Variants in CPQ observed in about 807,000 individuals in gnomAD.
The protein encoded by CPQ is Ser-Met dipeptidase.
Under a neutral mutation model 45.7 loss-of-function variants are expected in CPQ, and 37 were observed. The ratio of observed to expected loss-of-function variants is 0.81; its 90% CI spans 0.62 to 1.07. The LOEUF is 1.07. CPQ is among the 50% of genes least tolerant of loss of function. CPQ has a pLI of 0.00. For missense variants in CPQ, 537 were observed against 572.9 expected, an observed-to-expected ratio of 0.94 and a Z score of 0.64; for synonymous variants, 186 against 205.8, an observed-to-expected ratio of 0.90 and a Z score of 0.82.
At chr8:96,835,589 G>C (rs556754696) in intron 3 of CPQ, among the ~76,000 whole-genome samples, 8 of 152,330 alleles carry the variant, frequency 5.3e-5, no homozygotes, top group African/African-American at 1.7e-4. Flanking sequence ...TGGGTGACAT[G>C]ATGGGGGCCA....
intron 2 of CPQ, among the ~76,000 whole-genome samples, chr8:96,820,632 A>G (rs1278701821): frequency 3.3e-5 from 5 of 152,028 alleles, no homozygotes; most frequent in Non-Finnish European, 7.4e-5. Context: ...GTTGCTGCAA[A>G]TGACAGGATT....
chr8:96,801,002 G>T (rs1252200387), intron 2 of CPQ, among the ~76,000 whole-genome samples: 1 of 150,316 alleles, frequency 6.7e-6, no homozygotes, highest in Non-Finnish European at 1.5e-5. Context: ...TTGAGACAGG[G>T]TCTCACTCTG....
At chr8:96,909,962 G>A (rs572356815) in intron 4 of CPQ, among the ~76,000 whole-genome samples, 32 of 152,214 alleles carry the variant, frequency 2.1e-4, no homozygotes, top group African/African-American at 7.2e-4. Flanking sequence ...TGTAGTGCTC[G>A]ACCAGGTTGA....
Position 97,068,552 on chromosome 8 carries a change from G to C in CPQ, c.1255+2342G>C, listed in dbSNP as rs148001229. Among the ~76,000 whole-genome samples the C allele has an allele frequency of 2.3e-3, 352 of 152,312 alleles. 3 individuals carry two copies. The highest frequency in any genetic ancestry group is 8.2e-3 in the African/African-American group (340 of 41,584). ...GGAGGCTGAGGCAGGAGAATTGCTT[G>C]AACCCAGGAGGCGGCAGTTGCAGTG... On this transcript the variant is annotated intron_variant, in intron 7 of 7. Transcript: ENST00000220763.
At chr8:96,704,822 G>T (rs1328608184) in intron 1 of CPQ, among the ~76,000 whole-genome samples, 2 of 152,128 alleles carry the variant, frequency 1.3e-5, no homozygotes, top group African/African-American at 4.8e-5. Flanking sequence ...TGAAGATTAG[G>T]TGTTCAGTCT....
chr8:96,818,000 A>G (rs976372638), intron 2 of CPQ, among the ~76,000 whole-genome samples: 6 of 152,058 alleles, frequency 3.9e-5, no homozygotes, highest in Admixed American at 1.3e-4. Context: ...CTTTTGCCCT[A>G]TCTTGGCTAT....
At chr8:96,651,491 A>G (rs1382543990) in intron 1 of CPQ, among the ~76,000 whole-genome samples, 2 of 152,250 alleles carry the variant, frequency 1.3e-5, no homozygotes, top group Non-Finnish European at 2.9e-5. Flanking sequence ...TCAAACATTT[A>G]AAAATGCATA....
At chr8:96,741,084 G>T (rs1007590031) in intron 1 of CPQ, among the ~76,000 whole-genome samples, 6 of 152,152 alleles carry the variant, frequency 3.9e-5, no homozygotes, top group Non-Finnish European at 5.9e-5. Flanking sequence ...GTAGAATTCG[G>T]CTGTGAATCC....
At chr8:96,675,382 A>G (rs1340625212) in intron 1 of CPQ, among the ~76,000 whole-genome samples, 1 of 152,072 alleles carries the variant, frequency 6.6e-6, no homozygotes, top group East Asian at 1.9e-4. Flanking sequence ...GTAGAGAGCT[A>G]CTTCTACTGC....
chr8:96,724,522 C>T (rs1390263186), intron 1 of CPQ, among the ~76,000 whole-genome samples: 2 of 151,730 alleles, frequency 1.3e-5, no homozygotes, highest in African/African-American at 2.4e-5. Context: ...CACACACACA[C>T]ACACCCCTAG....
At chr8:97,028,544 A>G (rs1794202749) in intron 5 of CPQ, among the ~76,000 whole-genome samples, 2 of 152,246 alleles carry the variant, frequency 1.3e-5, no homozygotes, top group South Asian at 4.1e-4. Context: ...CAGAAATGCC[A>G]TTATCAGTCT....
chr8:97,051,643 G>A (rs1280888016), intron 6 of CPQ, among the ~76,000 whole-genome samples: 1 of 152,194 alleles, frequency 6.6e-6, no homozygotes, highest in Non-Finnish European at 1.5e-5. Context: ...TCATCCAAGT[G>A]TATCAACCCC....
chr8:96,690,629 A>G (rs180853506), intron 1 of CPQ, among the ~76,000 whole-genome samples: 1 of 152,178 alleles, frequency 6.6e-6, no homozygotes, highest in Non-Finnish European at 1.5e-5. Flanking sequence ...CTGTAGCCAT[A>G]TGTAGTTTCT....
intron 4 of CPQ, among the ~76,000 whole-genome samples, chr8:96,911,514 G>A (rs561358032): frequency 1.3e-5 from 2 of 152,166 alleles, no homozygotes; most frequent in Non-Finnish European, 2.9e-5. Context: ...TGTTATGTCT[G>A]TTTCTTAGAG....
rs566420030 is a variant in CPQ, at chr8:97,054,363, A to C, written c.1054-11646A>C. ...ATAGCCTCTATGGAAAACAGTATGG[A>C]GATTCCTCAAAGAACTAAAAGTATA... is the stretch of plus-strand genomic sequence containing the variant. On this transcript the variant is annotated intron_variant, in intron 6 of 7. Transcript: ENST00000220763. 1.1e-4 allele frequency among the ~76,000 whole-genome samples: 17 copies of C among 152,310 alleles called. 1 individual carries two copies. The highest frequency in any genetic ancestry group is 8.5e-4 in the Admixed American group (13 of 15,288).
chr8:97,023,020 ATATATATACAG>A lies in CPQ; in HGVS notation c.962-6362_962-6352del, dbSNP rs1473602166. On this transcript the variant is annotated intron_variant, in intron 5 of 7. Coordinates refer to ENST00000220763, the MANE Select transcript of CPQ (RefSeq NM_016134.4). ...ACAGTATATATATACTATATATAGT[ATATATATACAG>A]TATATATACAGTATATATACTGTAT... Among the ~76,000 whole-genome samples the A allele has an allele frequency of 1.1e-3, 156 of 146,806 alleles. 1 individual carries two copies. Among genetic ancestry groups the A allele is most frequent in the African/African-American group, 3.1e-3 (123 of 40,066 alleles).
intron 3 of CPQ, among the ~76,000 whole-genome samples, chr8:96,854,530 C>CA (rs1156706371): frequency 0.1 from 871 of 8,678 alleles, 241 homozygotes; most frequent in Non-Finnish European, 0.27. Context: ...GACTCCGTCT[C>CA]AAAAAAAAAA....
intron 1 of CPQ, among the ~76,000 whole-genome samples, chr8:96,700,770 A>G (rs1809448050): frequency 1.3e-5 from 2 of 152,214 alleles, no homozygotes; most frequent in African/African-American, 4.8e-5. Flanking sequence ...GGGAGGAGGT[A>G]CAGAGGACAC....
intron 4 of CPQ, among the ~76,000 whole-genome samples, chr8:96,883,034 A>G (rs1389131881): frequency 6.6e-6 from 1 of 152,162 alleles, no homozygotes; most frequent in East Asian, 1.9e-4. Context: ...TATAATTTGT[A>G]GTCATTTTCT....
Sources: allele counts gnomAD v4.1 joint callset (sites outside exome capture counted in the v4.1 genomes callset), GRCh38; gene constraint gnomAD v4.1.1; transcripts MANE v1.5; gene names NCBI Gene and HGNC (gene_info 2026-07-23, HGNC 2026-07-21).